Variants in PPP2R3A observed in about 807,000 individuals in gnomAD.
The protein encoded by PPP2R3A is serine/threonine-protein phosphatase 2A regulatory subunit B'' subunit alpha.
In PPP2R3A, 80 loss-of-function variants were observed where a neutral mutation model predicts 106.9. The ratio of observed to expected loss-of-function variants is 0.75; its 90% confidence interval spans 0.62 to 0.90. The LOEUF (loss-of-function observed/expected upper bound fraction) is 0.90, where lower values mean the gene tolerates loss of function less well. PPP2R3A is among the 40% of genes least tolerant of loss of function. The pLI is 0.00. For synonymous variants in PPP2R3A, 483 were observed against 468.3 expected (o/e 1.03, Z -0.41); for missense variants, 1,386 against 1,350.4 (o/e 1.03, Z -0.41).
intron 2 of PPP2R3A, among the ~76,000 whole-genome samples, chr3:136,006,380 T>C (rs531263638): frequency 2.0e-5 from 3 of 152,332 alleles, no homozygotes; most frequent in Admixed American, 6.5e-5. Context: ...CCTACTTGTC[T>C]TTTTTTAATC....
At chr3:135,991,325 G>T (rs1421739052) in intron 1 of PPP2R3A, among the ~76,000 whole-genome samples, 1 of 151,964 alleles carries the variant, frequency 6.6e-6, no homozygotes, top group Non-Finnish European at 1.5e-5. Flanking sequence ...AATGTTACCT[G>T]ATTTTTATAT....
At chr3:136,054,530 T>G (rs768739543) in intron 5 of PPP2R3A, among the ~76,000 whole-genome samples, 7 of 152,190 alleles carry the variant, frequency 4.6e-5, no homozygotes, top group African/African-American at 9.7e-5. Flanking sequence ...GTGCTGAGAT[T>G]ACAGGCATGA....
rs769660017 is a variant in PPP2R3A, at chr3:136,003,126, A to T, written c.1628A>T (p.His543Leu). The T allele has an allele frequency of 2.5e-6, 4 of 1,612,612 alleles. No homozygotes were observed. The African/African-American group carries it at 5.4e-5, about 22-fold the overall frequency. Residue 543 changes from histidine to leucine, a missense_variant, in exon 2 of 14, where the codon CAC becomes CTC. Coordinates refer to ENST00000264977, the MANE Select transcript of PPP2R3A (RefSeq NM_002718.5). ...KGKNSNFLNS[H>L]SQLTGQTLVD... is the part of the protein sequence containing the mutation. ...AAAAACTCTAATTTTTTAAATAGTC[A>T]CAGTCAGTTGACCGGTCAGACCCTT...
rs149080732 is a variant in PPP2R3A at position 136,002,075 on chromosome 3, C to G, written c.577C>G (p.Leu193Val). Reference sequence around the variant, plus strand: ...AAAACCTTTGTCTCATAGAAACTCACTGGATACGAACCTGACTTCCATGTT... The same window carrying G: ...AAAACCTTTGTCTCATAGAAACTCAGTGGATACGAACCTGACTTCCATGTT... ...EEKPLSHRNS[L>V]DTNLTSMFLQ... The change falls in exon 2 of 14, where the codon CTG (leucine) becomes GTG (valine). Residue 193 changes from leucine to valine, a missense_variant. Coordinates refer to ENST00000264977, the MANE Select transcript of PPP2R3A (RefSeq NM_002718.5). 4.7e-4 allele frequency: 765 copies of G among 1,614,094 alleles called. 3 individuals are homozygous for G. In the East Asian group the frequency reaches 0.011, roughly 24 times the overall value.
At chr3:136,047,310 A>G (rs1935504555) in intron 4 of PPP2R3A, among the ~76,000 whole-genome samples, 1 of 152,226 alleles carries the variant, frequency 6.6e-6, no homozygotes, top group African/African-American at 2.4e-5. Flanking sequence ...CCAAAGAAAA[A>G]TAAGTCATTC....
At chr3:136,131,722 T>C (rs992887704) in intron 13 of PPP2R3A, among the ~76,000 whole-genome samples, 4 of 152,144 alleles carry the variant, frequency 2.6e-5, no homozygotes, top group African/African-American at 7.2e-5. Context: ...TATAAACATA[T>C]TGTGGCACTA....
At chr3:136,042,630 C>T (rs1049942176) in intron 4 of PPP2R3A, among the ~76,000 whole-genome samples, 3 of 152,058 alleles carry the variant, frequency 2.0e-5, no homozygotes, top group Non-Finnish European at 2.9e-5. Flanking sequence ...ACGCAAAAAG[C>T]GGGGGAAAGA....
chr3:136,103,470 G>T, intron 12 of PPP2R3A, 94 bp downstream of exon 12: 3 of 828,990 alleles, frequency 3.6e-6, no homozygotes, highest in Non-Finnish European at 5.7e-6. Flanking sequence ...TGGAATTTCG[G>T]TAAAGAGGTA....
In PPP2R3A at chr3:136,001,809, A is replaced by G; in HGVS notation, c.311A>G (p.Gln104Arg). Residue 104 changes from glutamine (Q) to arginine (R), a missense_variant, in exon 2 of 14, where the codon CAG (glutamine) becomes CGG (arginine). By Grantham distance (43) the Gln-to-Arg change is conservative. Transcript: ENST00000264977. Reference sequence around the variant, plus strand: ...AGGGTCAAGAGAGGATCTACATTTCAGAATACCTACAACTTAAAGGATATT... The same window carrying G: ...AGGGTCAAGAGAGGATCTACATTTCGGAATACCTACAACTTAAAGGATATT... ...IPRVKRGSTF[Q>R]NTYNLKDIAG... 1 of 1,614,204 alleles carries G rather than the reference A, an allele frequency of 6.2e-7. No homozygotes were observed. Among genetic ancestry groups the G allele is most frequent in the Non-Finnish European group, 8.5e-7 (1 of 1,180,036 alleles).
intron 2 of PPP2R3A, among the ~76,000 whole-genome samples, chr3:136,010,555 T>C (rs1176448505): frequency 1.3e-5 from 2 of 148,540 alleles, no homozygotes; most frequent in Non-Finnish European, 3.0e-5. Flanking sequence ...GCCTCCCAAG[T>C]AGCTGGGACT....
chr3:135,970,076 T>G (rs940456029), intron 1 of PPP2R3A, among the ~76,000 whole-genome samples: 1 of 152,262 alleles, frequency 6.6e-6, no homozygotes, highest in Non-Finnish European at 1.5e-5. Context: ...AATGCTGTGG[T>G]CCACCTAAGA....
At chr3:136,058,517 C>T (rs923882693) in intron 5 of PPP2R3A, among the ~76,000 whole-genome samples, 7 of 152,104 alleles carry the variant, frequency 4.6e-5, no homozygotes, top group Admixed American at 3.9e-4. Context: ...TCAGAGATGA[C>T]ACAGACAAAT....
chr3:135,977,333 TTAA>T (rs1232661758), intron 1 of PPP2R3A, among the ~76,000 whole-genome samples: 2 of 152,206 alleles, frequency 1.3e-5, no homozygotes, highest in Non-Finnish European at 2.9e-5. Flanking sequence ...ATCATTGACA[TTAA>T]TAATAGTTCT....
At chr3:135,972,405 A>G (rs1937277204) in intron 1 of PPP2R3A, among the ~76,000 whole-genome samples, 2 of 152,240 alleles carry the variant, frequency 1.3e-5, no homozygotes. Context: ...GCTCTTATAA[A>G]TAGTATTGCT....
intron 13 of PPP2R3A, among the ~76,000 whole-genome samples, chr3:136,127,237 C>T (rs1024945371): frequency 2.6e-5 from 4 of 152,064 alleles, no homozygotes; most frequent in African/African-American, 4.8e-5. Context: ...GGAGGATGTT[C>T]GAACCCATTG....
At chr3:136,067,626 G>A (rs977558964) in intron 5 of PPP2R3A, among the ~76,000 whole-genome samples, 18 of 152,314 alleles carry the variant, frequency 1.2e-4, no homozygotes, top group African/African-American at 3.8e-4. Context: ...GTTCCTCCAT[G>A]AGTATTCAGC....
At chr3:135,989,004 G>A (rs1324119323) in intron 1 of PPP2R3A, among the ~76,000 whole-genome samples, 2 of 151,898 alleles carry the variant, frequency 1.3e-5, no homozygotes, top group Non-Finnish European at 2.9e-5. Context: ...TTTTCCCTTC[G>A]TGGTTAACAA....
At chr3:135,975,147 G>A (rs1411803883) in intron 1 of PPP2R3A, among the ~76,000 whole-genome samples, 1 of 152,154 alleles carries the variant, frequency 6.6e-6, no homozygotes, top group Non-Finnish European at 1.5e-5. Context: ...TTCCCATGGT[G>A]GGCCCTCAAT....
At chr3:136,005,518 G>A (rs1033537795) in intron 2 of PPP2R3A, among the ~76,000 whole-genome samples, 3 of 152,110 alleles carry the variant, frequency 2.0e-5, no homozygotes, top group Non-Finnish European at 4.4e-5. Context: ...AAATTACTTT[G>A]TGTGAATCTC....
Sources: gnomAD v4.1 joint callset for allele counts (sites outside exome capture counted in the v4.1 genomes callset) on GRCh38, gnomAD v4.1.1 for gene constraint, MANE v1.5 for transcripts, NCBI Gene and HGNC (gene_info 2026-07-23, HGNC 2026-07-21) for gene names.